Variants in EDAR observed in about 807,000 individuals in gnomAD.
EDAR encodes ectodysplasin A receptor, also known as tumor necrosis factor receptor superfamily member EDAR.
Under a neutral mutation model 51.3 loss-of-function variants are expected in EDAR, and 38 were observed. The observed-to-expected ratio is 0.74, with a 90% CI of 0.57 to 0.97. EDAR has a LOEUF of 0.97. Ranked by LOEUF, EDAR falls within the 50% of genes least tolerant of loss-of-function variation. EDAR has a pLI of 0.00. For missense variants in EDAR, 528 were observed against 595.0 expected, an observed-to-expected ratio of 0.89 and a Z score of 1.17; for synonymous variants, 227 against 242.1, an observed-to-expected ratio of 0.94 and a Z score of 0.58.
intron 1 of EDAR, among the ~76,000 whole-genome samples, chr2:108,959,374 G>T (rs988972922): frequency 2.0e-5 from 3 of 152,236 alleles, no homozygotes; most frequent in African/African-American, 7.2e-5. Context: ...AGAGAAATCA[G>T]AGCTCCCCAG....
At chr2:108,903,131 T>C (rs183785817) in intron 11 of EDAR, among the ~76,000 whole-genome samples, 1 of 152,302 alleles carries the variant, frequency 6.6e-6, no homozygotes, top group South Asian at 2.1e-4. Context: ...TGAATTTAAA[T>C]TGTCGTTTAC....
At chr2:108,922,829 T>C (rs936626744) in intron 5 of EDAR, among the ~76,000 whole-genome samples, 3 of 152,126 alleles carry the variant, frequency 2.0e-5, no homozygotes, top group Non-Finnish European at 2.9e-5. Flanking sequence ...CCCTTCGTCA[T>C]AAACAGATGC....
chr2:108,946,858 C>G (rs1248516735), intron 1 of EDAR, among the ~76,000 whole-genome samples: 3 of 151,750 alleles, frequency 2.0e-5, no homozygotes, highest in Non-Finnish European at 4.4e-5. Flanking sequence ...GACACAGAGC[C>G]AAACCTTATT....
chr2:108,961,815 G>T (rs1698052655), intron 1 of EDAR, among the ~76,000 whole-genome samples: 1 of 152,176 alleles, frequency 6.6e-6, no homozygotes, highest in Non-Finnish European at 1.5e-5. Flanking sequence ...ACCTGAGCCT[G>T]GGGAGGGAGA....
chr2:108,986,388 G>T (rs1698501123), intron 1 of EDAR, among the ~76,000 whole-genome samples: 1 of 152,254 alleles, frequency 6.6e-6, no homozygotes, highest in Admixed American at 6.5e-5. Context: ...AGGAGGGGGA[G>T]TGTTTGCTTA....
intron 1 of EDAR, among the ~76,000 whole-genome samples, chr2:108,962,547 C>A (rs1435225158): frequency 6.6e-6 from 1 of 151,586 alleles, no homozygotes; most frequent in East Asian, 1.9e-4. Flanking sequence ...TGGTGGCGGG[C>A]GCCTGTAGTC....
chr2:108,948,643 G>A (rs56014907), intron 1 of EDAR, among the ~76,000 whole-genome samples: 11,290 of 152,212 alleles, frequency 0.074, 636 homozygotes, highest in African/African-American at 0.16. Flanking sequence ...GAAGTGGGGA[G>A]TGCCAGACAC....
chr2:108,910,643 G>T, intron 8 of EDAR, 111 bp from the exon 9 acceptor site: 2 of 1,398,104 alleles, frequency 1.4e-6, no homozygotes, highest in Non-Finnish European at 2.0e-6. Flanking sequence ...TGTCTGTGTG[G>T]CACCACCCCA....
At chr2:108,942,321 C>G (rs1200337648) in intron 1 of EDAR, among the ~76,000 whole-genome samples, 2 of 152,164 alleles carry the variant, frequency 1.3e-5, no homozygotes, top group African/African-American at 2.4e-5. Context: ...ACTCAACTTT[C>G]GACACTTCTA....
At chr2:108,934,846 TA>T (rs879716883) in intron 1 of EDAR, among the ~76,000 whole-genome samples, 13 of 152,174 alleles carry the variant, frequency 8.5e-5, no homozygotes, top group Non-Finnish European at 1.5e-4. Flanking sequence ...TTTTAACACA[TA>T]AACTGTGGGG....
intron 1 of EDAR, among the ~76,000 whole-genome samples, chr2:108,962,823 C>A (rs1020851181): frequency 1.3e-5 from 2 of 152,220 alleles, no homozygotes; most frequent in Admixed American, 6.5e-5. Flanking sequence ...AGAGACTGAG[C>A]AGAGTGATGC....
chr2:108,935,232 A>G (rs1030868743), intron 1 of EDAR, among the ~76,000 whole-genome samples: 3 of 152,108 alleles, frequency 2.0e-5, no homozygotes, highest in Non-Finnish European at 4.4e-5. Flanking sequence ...GAATGATGAC[A>G]CAGCTGTAAT....
intron 11 of EDAR, among the ~76,000 whole-genome samples, chr2:108,901,030 C>T (rs1696688820): frequency 6.6e-6 from 1 of 152,158 alleles, no homozygotes; most frequent in Non-Finnish European, 1.5e-5. Context: ...ACATCATCAA[C>T]CAACACGATC....
intron 5 of EDAR, among the ~76,000 whole-genome samples, chr2:108,917,733 G>A (rs1029354767): frequency 6.6e-6 from 1 of 152,038 alleles, no homozygotes; most frequent in African/African-American, 2.4e-5. Context: ...CCACACAAGT[G>A]TCTCACCTCT....
At position 108,929,212 on chromosome 2, in the gene EDAR, G is replaced by A. The variant is rs754057295; in HGVS notation, c.342C>T (p.Gly114=). ...CCTGTGCTTACCCAGGGAGGCAAGG[G>A]CCACACTCAGCGTCATTCTCCATGT... ...PGDMENDAEC[G]PCLPGYYMLE... The change falls in exon 4 of 12, where the codon GGC becomes GGT. Residue 114 remains glycine, a synonymous_variant. Coordinates refer to ENST00000258443, the MANE Select transcript of EDAR (RefSeq NM_022336.4). The A allele has an allele frequency of 6.2e-7, 1 of 1,613,970 alleles. No individual in the cohort carries two copies. The highest frequency in any genetic ancestry group is 8.5e-7 in the Non-Finnish European group (1 of 1,180,044).
chr2:108,935,211 A>G (rs1038747932), intron 1 of EDAR, among the ~76,000 whole-genome samples: 6 of 151,880 alleles, frequency 4.0e-5, no homozygotes, highest in African/African-American at 1.2e-4. Context: ...TCCTTCCTCA[A>G]TTCCCATCTA....
intron 1 of EDAR, among the ~76,000 whole-genome samples, chr2:108,979,061 A>C (rs1187056313): frequency 1.3e-5 from 2 of 152,196 alleles, no homozygotes; most frequent in Non-Finnish European, 2.9e-5. Context: ...TGCCAGCTTC[A>C]AAAACATTCA....
intron 1 of EDAR, among the ~76,000 whole-genome samples, chr2:108,964,059 C>T (rs1402552070): frequency 1.3e-5 from 2 of 152,216 alleles, no homozygotes; most frequent in Admixed American, 6.5e-5. Context: ...GCCCCTGAAG[C>T]ACTGAGTTTC....
intron 8 of EDAR, 50 bp downstream of exon 8, chr2:108,910,726 C>A (rs1696910944): frequency 6.2e-7 from 1 of 1,601,644 alleles, no homozygotes; most frequent in African/African-American, 1.3e-5. Context: ...CGCCCTCCAC[C>A]CAGAGATGGG....
Sources: allele counts gnomAD v4.1 joint callset (sites outside exome capture counted in the v4.1 genomes callset), GRCh38; gene constraint gnomAD v4.1.1; transcripts MANE v1.5; gene names NCBI Gene and HGNC (gene_info 2026-07-23, HGNC 2026-07-21).